The following SLC39A12 variants were observed in gnomAD, a reference collection of about 807,000 sequenced individuals.
SLC39A12 encodes the protein solute carrier family 39 member 12.
SLC39A12 carries 63 observed loss-of-function variants against 71.1 expected under a neutral mutation model. The ratio of observed to expected loss-of-function variants is 0.89; its 90% CI spans 0.72 to 1.09. The LOEUF (loss-of-function observed/expected upper bound fraction) is 1.09. Ranked by LOEUF, SLC39A12 falls within the 50% of genes least tolerant of loss-of-function variation. The pLI is 0.00. For missense variants in SLC39A12, 892 were observed against 812.6 expected (o/e 1.10, Z -1.19); for synonymous variants, 351 against 301.3 (o/e 1.16, Z -1.71).
At position 17,988,547 on chromosome 10, in the gene SLC39A12, C is replaced by G. The variant is rs117688646; in HGVS notation, c.1269+896C>G. 4.6e-3 allele frequency among the ~76,000 whole-genome samples: 701 copies of G among 152,278 alleles called. 28 individuals are homozygous for G. The East Asian group carries it at 0.093, about 20-fold the overall frequency. Reference sequence around the variant, plus strand: ...TAAACCTCTTTTCTTTATAGGTTATCCAGCCTCAGATATTTCTTTATAGCA... The same window carrying G: ...TAAACCTCTTTTCTTTATAGGTTATGCAGCCTCAGATATTTCTTTATAGCA... On this transcript the variant is annotated intron_variant, in intron 7 of 12. Transcript: ENST00000377369.
intron 4 of SLC39A12, among the ~76,000 whole-genome samples, chr10:17,969,288 TC>T (rs1328525952): frequency 6.6e-6 from 1 of 152,182 alleles, no homozygotes; most frequent in East Asian, 1.9e-4. Flanking sequence ...CTAAGTTCGT[TC>T]TTTTGGGTAT....
intron 8 of SLC39A12, 22 bp from the exon 9 acceptor site, chr10:17,993,159 A>T: frequency 6.6e-7 from 1 of 1,526,304 alleles, no homozygotes; most frequent in South Asian, 1.2e-5. Flanking sequence ...TTCAACACTA[A>T]TTTTAAACCA....
At chr10:17,978,560 A>G (rs1421075358) in intron 5 of SLC39A12, among the ~76,000 whole-genome samples, 2 of 152,154 alleles carry the variant, frequency 1.3e-5, no homozygotes, top group African/African-American at 4.8e-5. Flanking sequence ...ATATTAATCC[A>G]TGTTTGTGAA....
rs1564647661 is a variant in SLC39A12, at chr10:17,987,601, T to A, written c.1219T>A (p.Leu407Met). 2 of 1,614,206 alleles carry A rather than the reference T, an allele frequency of 1.2e-6. No individual in the cohort carries two copies. ...YRLILQLFVG[L>M]AVGTLSGDAL... The stretch of plus-strand genomic sequence containing the variant: ...GCTTATCTTACAGCTGTTTGTGGGC[T>A]TGGCCGTCGGGACACTGTCTGGGGA... Residue 407 changes from leucine (L) to methionine (M), a missense_variant, in exon 7 of 13, where the codon TTG (leucine) becomes ATG (methionine). Coordinates refer to ENST00000377369, the MANE Select transcript of SLC39A12 (RefSeq NM_001145195.2).
At chr10:18,016,959 CAT>C (rs1836402565) in intron 12 of SLC39A12, among the ~76,000 whole-genome samples, 1 of 152,094 alleles carries the variant, frequency 6.6e-6, no homozygotes, top group South Asian at 2.1e-4. Flanking sequence ...ATGTTTTGCA[CAT>C]GTTTTCCCCA....
intron 12 of SLC39A12, among the ~76,000 whole-genome samples, chr10:18,014,001 A>T (rs1384288872): frequency 6.6e-6 from 1 of 152,192 alleles, no homozygotes; most frequent in African/African-American, 2.4e-5. Flanking sequence ...TTTTTTAAAA[A>T]AAGTGATTGG....
intron 2 of SLC39A12, among the ~76,000 whole-genome samples, chr10:17,958,327 C>T (rs1834601817): frequency 6.6e-6 from 1 of 152,148 alleles, no homozygotes; most frequent in African/African-American, 2.4e-5. Flanking sequence ...AGACATTCTT[C>T]TTCCTACCTA....
intron 12 of SLC39A12, among the ~76,000 whole-genome samples, chr10:18,031,363 C>G (rs914399437): frequency 6.4e-5 from 9 of 140,114 alleles, no homozygotes; most frequent in Admixed American, 5.8e-4. Flanking sequence ...GATGGTATCT[C>G]ATAGTGGTTT....
chr10:17,995,971 C>T (rs1163588166), intron 10 of SLC39A12, among the ~76,000 whole-genome samples: 1 of 152,202 alleles, frequency 6.6e-6, no homozygotes, highest in Non-Finnish European at 1.5e-5. Flanking sequence ...TAATTCCCTT[C>T]AGGGGAAACT....
chr10:18,028,802 C>A lies in SLC39A12; in HGVS notation c.1948-13903C>A, dbSNP rs141549974. 9.7e-3 allele frequency among the ~76,000 whole-genome samples: 1,484 copies of A among 152,218 alleles called. 20 individuals are homozygous for A. Among genetic ancestry groups the A allele is most frequent in the Middle Eastern group, 0.014 (4 of 294 alleles). The stretch of plus-strand genomic sequence containing the variant: ...TGGTGTGATCTTGGCTCACTGCAAC[C>A]TCTGCCTCCCAGGTTCAAGCAACCC... On this transcript the variant is annotated intron_variant, in intron 12 of 12. Transcript: ENST00000377369.
At chr10:18,025,489 T>C (rs1362066711) in intron 12 of SLC39A12, among the ~76,000 whole-genome samples, 1 of 152,114 alleles carries the variant, frequency 6.6e-6, no homozygotes, top group Non-Finnish European at 1.5e-5. Context: ...CGGTGTTTGG[T>C]TTTTTGTCCT....
intron 4 of SLC39A12, among the ~76,000 whole-genome samples, chr10:17,970,543 A>G (rs1163169213): frequency 6.6e-6 from 1 of 152,082 alleles, no homozygotes; most frequent in African/African-American, 2.4e-5. Context: ...ATTTGTGGCT[A>G]TTGTAAATGG....
At chr10:18,025,647 G>T (rs535543686) in intron 12 of SLC39A12, among the ~76,000 whole-genome samples, 22 of 151,856 alleles carry the variant, frequency 1.4e-4, no homozygotes, top group Non-Finnish European at 2.6e-4. Context: ...TGGACATTTG[G>T]GTTGGTTCCA....
intron 7 of SLC39A12, among the ~76,000 whole-genome samples, chr10:17,988,823 G>C (rs1458577247): frequency 6.6e-6 from 1 of 152,144 alleles, no homozygotes; most frequent in Non-Finnish European, 1.5e-5. Context: ...ACAGCTCCAC[G>C]GCTCACTGGC....
intron 2 of SLC39A12, among the ~76,000 whole-genome samples, chr10:17,956,400 T>C (rs1200773085): frequency 1.4e-5 from 2 of 147,446 alleles, no homozygotes; most frequent in African/African-American, 2.7e-5. Flanking sequence ...GAATCAGATC[T>C]CTGAGGATCT....
At chr10:17,983,056 C>A (rs1030131444) in intron 6 of SLC39A12, among the ~76,000 whole-genome samples, 3 of 148,126 alleles carry the variant, frequency 2.0e-5, no homozygotes, top group Non-Finnish European at 4.4e-5. Flanking sequence ...AAAAAATAGC[C>A]GGGCATGCTG....
chr10:17,992,088 C>CAAAAAAAAAAAAAAAA (rs59014549), intron 8 of SLC39A12, among the ~76,000 whole-genome samples: 1 of 87,226 alleles, frequency 1.1e-5, no homozygotes, highest in African/African-American at 4.6e-5. Context: ...GACTCCATCT[C>CAAAAAAAAAAAAAAAA]AAAAAAAAAA....
intron 12 of SLC39A12, among the ~76,000 whole-genome samples, chr10:18,012,957 A>G (rs1190054125): frequency 2.0e-5 from 3 of 151,628 alleles, no homozygotes; most frequent in Admixed American, 2.0e-4. Flanking sequence ...AGCTGAGTTT[A>G]TGCTCAGGGA....
chr10:18,000,530 G>A, intron 10 of SLC39A12, 137 bp from the exon 11 acceptor site: 1 of 815,170 alleles, frequency 1.2e-6, no homozygotes, highest in South Asian at 1.7e-5. Flanking sequence ...GACTTTTGCG[G>A]AAACAAAGTG....
Sources: gnomAD v4.1 joint callset for allele counts (sites outside exome capture counted in the v4.1 genomes callset) on GRCh38, gnomAD v4.1.1 for gene constraint, MANE v1.5 for transcripts, NCBI Gene and HGNC (gene_info 2026-07-23, HGNC 2026-07-21) for gene names.